The following RARB variants were observed in gnomAD, a reference collection of about 807,000 sequenced individuals.
RARB encodes HBV-activated protein.
Under a neutral mutation model 51.9 loss-of-function variants are expected in RARB, and 17 were observed. The observed-to-expected ratio is 0.33, with a 90% CI of 0.22 to 0.49. The LOEUF is 0.49. Among genes scored for constraint, RARB ranks in the 20% least tolerant of loss-of-function variants. The probability of loss-of-function intolerance (pLI) is 0.99; values close to 1 mark genes in which losing one functional copy is unlikely to be tolerated. For missense variants in RARB, 369 were observed against 550.8 expected (o/e 0.67, Z 3.30); for synonymous variants, 215 against 195.4 (o/e 1.10, Z -0.84).
chr3:25,472,520 C>T (rs1268029457), intron 2 of RARB, among the ~76,000 whole-genome samples: 1 of 152,072 alleles, frequency 6.6e-6, no homozygotes, highest in East Asian at 1.9e-4. Context: ...TTATTTGATC[C>T]TCATCATATT....
At chr3:25,365,199 C>CTTTT (rs3035063) in intron 5 of RARB, among the ~76,000 whole-genome samples, 1,263 of 75,374 alleles carry the variant, frequency 0.017, no homozygotes, top group Non-Finnish European at 0.024. Context: ...TTCTTTCTTT[C>CTTTT]TTTTTTTTTT....
chr3:25,363,129 G>A (rs1197302196), intron 5 of RARB, among the ~76,000 whole-genome samples: 1 of 152,078 alleles, frequency 6.6e-6, no homozygotes, highest in African/African-American at 2.4e-5. Context: ...CATAATTTAA[G>A]GACATTATTG....
chr3:25,531,171 T>C (rs1315100042), intron 3 of RARB, among the ~76,000 whole-genome samples: 1 of 152,134 alleles, frequency 6.6e-6, no homozygotes, highest in Non-Finnish European at 1.5e-5. Context: ...GCCTCAGAGT[T>C]ATCTCAATCC....
chr3:24,946,808 T>C (rs1337160273), intron 2 of RARB, among the ~76,000 whole-genome samples: 6 of 152,190 alleles, frequency 3.9e-5, no homozygotes. Flanking sequence ...AAGGCTGCAG[T>C]GAGCAATGAC....
intron 2 of RARB, among the ~76,000 whole-genome samples, chr3:24,951,201 G>C (rs1559408653): frequency 6.6e-6 from 1 of 152,270 alleles, no homozygotes; most frequent in Non-Finnish European, 1.5e-5. Context: ...TTTCCAACCA[G>C]GCTCCAAGTC....
Position 25,448,036 on chromosome 3 carries a change from A to G in RARB, c.158-13157A>G, listed in dbSNP as rs1263173422. Among the ~76,000 whole-genome samples, 4 of 152,084 alleles carry G rather than the reference A, an allele frequency of 2.6e-5. No homozygotes were observed. In the East Asian group the frequency reaches 7.7e-4, roughly 29 times the overall value. On this transcript the variant is annotated intron_variant, in intron 1 of 7. Coordinates refer to ENST00000330688, the MANE Select transcript of RARB (RefSeq NM_000965.5). ...ATGATGTTATTTAATGCTCACAATG[A>G]TGCAATGAAGAATATACTATCATTT... is the stretch of plus-strand genomic sequence containing the variant.
intron 5 of RARB, among the ~76,000 whole-genome samples, chr3:25,302,968 A>G (rs1704075802): frequency 6.6e-6 from 1 of 152,206 alleles, no homozygotes; most frequent in Non-Finnish European, 1.5e-5. Flanking sequence ...TTCTTTACAT[A>G]TGAGCTTCTT....
chr3:25,336,690 C>T (rs1222798197), intron 5 of RARB, among the ~76,000 whole-genome samples: 1 of 152,200 alleles, frequency 6.6e-6, no homozygotes, highest in African/African-American at 2.4e-5. Flanking sequence ...ATGGCCACCT[C>T]TCTCATTAGC....
intron 5 of RARB, among the ~76,000 whole-genome samples, chr3:25,211,200 C>T (rs1321480443): frequency 6.6e-6 from 1 of 152,110 alleles, no homozygotes; most frequent in Non-Finnish European, 1.5e-5. Flanking sequence ...GTTCAAGGCA[C>T]TTGACTATAT....
intron 5 of RARB, among the ~76,000 whole-genome samples, chr3:25,260,198 C>A (rs983124995): frequency 9.2e-5 from 14 of 152,218 alleles, no homozygotes; most frequent in African/African-American, 3.4e-4. Context: ...TCCTTTAAGC[C>A]TGGTTGGAAG....
intron 3 of RARB, among the ~76,000 whole-genome samples, chr3:25,099,643 T>C (rs939522115): frequency 3.9e-5 from 6 of 151,966 alleles, no homozygotes; most frequent in Admixed American, 3.3e-4. Context: ...AAACTTTCAT[T>C]ATGTAGTAGA....
intron 2 of RARB, among the ~76,000 whole-genome samples, chr3:24,956,310 A>G (rs1055736956): frequency 2.0e-5 from 3 of 152,232 alleles, no homozygotes; most frequent in Non-Finnish European, 4.4e-5. Context: ...AATGTGTATA[A>G]TAATATCTTC....
Position 25,559,941 on chromosome 3 carries a change from A to G in RARB, c.449-9817A>G, listed in dbSNP as rs937583651. Among the ~76,000 whole-genome samples the G allele has an allele frequency of 3.2e-4, 48 of 152,204 alleles. 1 individual carries two copies. Among genetic ancestry groups the G allele is most frequent in the Non-Finnish European group, 6.3e-4 (43 of 68,026 alleles). ...ACAGGCAATTCTTTCTTGGATGTCTATTTGGATGGATAGACAGATGGATGG... is the reference window on the plus strand; with the variant it reads ...ACAGGCAATTCTTTCTTGGATGTCTGTTTGGATGGATAGACAGATGGATGG... On this transcript the variant is annotated intron_variant, in intron 3 of 7. Coordinates refer to ENST00000330688, the MANE Select transcript of RARB (RefSeq NM_000965.5).
intron 5 of RARB, among the ~76,000 whole-genome samples, chr3:25,329,506 A>G (rs879899021): frequency 6.6e-6 from 1 of 151,286 alleles, no homozygotes. Flanking sequence ...CCCCACCTAT[A>G]TATCACCATC....
intron 1 of RARB, among the ~76,000 whole-genome samples, chr3:25,446,491 T>C (rs1377917848): frequency 6.6e-6 from 1 of 152,158 alleles, no homozygotes; most frequent in Non-Finnish European, 1.5e-5. Flanking sequence ...TTACAAAATT[T>C]GCAGACCCTG....
intron 1 of RARB, among the ~76,000 whole-genome samples, chr3:24,832,229 A>G (rs1702291923): frequency 6.6e-6 from 1 of 152,188 alleles, no homozygotes. Context: ...ATGTTTAAAA[A>G]TATCTATTTA....
chr3:25,263,226 G>A (rs1438382692), intron 5 of RARB, among the ~76,000 whole-genome samples: 1 of 152,002 alleles, frequency 6.6e-6, no homozygotes, highest in South Asian at 2.1e-4. Flanking sequence ...ATTACATATT[G>A]TATATCACTT....
At chr3:24,914,598 C>A (rs1035953165) in intron 2 of RARB, among the ~76,000 whole-genome samples, 4 of 152,130 alleles carry the variant, frequency 2.6e-5, no homozygotes, top group Admixed American at 6.5e-5. Flanking sequence ...GTAGTATTTG[C>A]ATATAACCTG....
chr3:25,202,983 ATATCCTT>A (rs1176616515), intron 5 of RARB, among the ~76,000 whole-genome samples: 2 of 152,102 alleles, frequency 1.3e-5, no homozygotes, highest in Non-Finnish European at 2.9e-5. Context: ...CAGTTCCTGG[ATATCCTT>A]GTTAACTTTC....
Sources: gnomAD v4.1 joint callset for allele counts (sites outside exome capture counted in the v4.1 genomes callset) on GRCh38, gnomAD v4.1.1 for gene constraint, MANE v1.5 for transcripts, NCBI Gene and HGNC (gene_info 2026-07-23, HGNC 2026-07-21) for gene names.